The following SLC67A2 variants were observed in gnomAD, a reference collection of about 807,000 sequenced individuals.
SLC67A2 encodes the protein solute carrier family 67 member 2, also known as solute carrier family 67 member A2.
chr2:102,726,850 G>C, the SLC67A2 span: 1 of 1,562,526 alleles, frequency 6.4e-7, no homozygotes. Context: ...CTCACCTGCC[G>C]GGACTCTAGC....
chr2:102,721,536 C>A, the SLC67A2 span, among the ~76,000 whole-genome samples: 1 of 152,114 alleles, frequency 6.6e-6, no homozygotes, highest in East Asian at 1.9e-4. Context: ...AGGAAAACTG[C>A]CTAGCATGAA....
the SLC67A2 span, chr2:102,736,673 C>G: frequency 6.2e-7 from 1 of 1,613,848 alleles, no homozygotes; most frequent in African/African-American, 1.3e-5. Flanking sequence ...AGAGACAGAG[C>G]AGGAAGCGGC....
chr2:102,723,120 G>C, the SLC67A2 span, among the ~76,000 whole-genome samples: 1 of 152,346 alleles, frequency 6.6e-6, no homozygotes, highest in East Asian at 1.9e-4. Context: ...GCACATGTTA[G>C]GAGGGCTAAT....
At chr2:102,736,828 G>A in the SLC67A2 span, 12 of 1,589,300 alleles carry the variant, frequency 7.6e-6, no homozygotes, top group African/African-American at 8.1e-5. Flanking sequence ...CCGGCCGGGG[G>A]TCGGACGCAG....
the SLC67A2 span, chr2:102,736,475 G>C: frequency 1.4e-6 from 2 of 1,478,994 alleles, no homozygotes; most frequent in African/African-American, 1.4e-5. Flanking sequence ...GCCAGATGCA[G>C]ACTGAAGTGG....
the SLC67A2 span, chr2:102,718,822 TGGCCCCAG>T: frequency 3.1e-6 from 5 of 1,613,902 alleles, no homozygotes; most frequent in Non-Finnish European, 4.2e-6. Flanking sequence ...GCCGTAGGAT[TGGCCCCAG>T]GGCAAGGCCG....
the SLC67A2 span, chr2:102,726,774 C>A: frequency 3.3e-6 from 5 of 1,526,112 alleles, no homozygotes; most frequent in South Asian, 1.3e-5. Flanking sequence ...CAGGAGGAAG[C>A]GTGCAGTTTC....
the SLC67A2 span, chr2:102,732,287 C>T: frequency 1.3e-5 from 20 of 1,520,210 alleles, no homozygotes; most frequent in East Asian, 1.8e-4. Flanking sequence ...ATTTAAAATT[C>T]AGTGCTCTAA....
At chr2:102,723,672 A>G in the SLC67A2 span, 33 of 1,603,092 alleles carry the variant, frequency 2.1e-5, no homozygotes, top group African/African-American at 2.4e-4. Context: ...GAATACACAA[A>G]ACAATCTTCT....
chr2:102,724,455 C>T, the SLC67A2 span, among the ~76,000 whole-genome samples: 676 of 152,222 alleles, frequency 4.4e-3, 2 homozygotes, highest in African/African-American at 0.016. Flanking sequence ...CAGTAAGAGG[C>T]CTGTGAATTT....
chr2:102,734,316 A>T, the SLC67A2 span, among the ~76,000 whole-genome samples: 1 of 152,176 alleles, frequency 6.6e-6, no homozygotes, highest in Non-Finnish European at 1.5e-5. Context: ...TCTGGAGGAA[A>T]AAAGTGGTTG....
chr2:102,718,337 T>C, the SLC67A2 span: 4 of 1,527,836 alleles, frequency 2.6e-6, no homozygotes, highest in Non-Finnish European at 3.6e-6. Flanking sequence ...ACCCCAACCC[T>C]TTCCAAAGTG....
chr2:102,715,388 T>C, the SLC67A2 span, among the ~76,000 whole-genome samples: 33 of 152,274 alleles, frequency 2.2e-4, no homozygotes, highest in African/African-American at 6.0e-4. Flanking sequence ...GTCTAAGGCA[T>C]GTAGCCAGGA....
chr2:102,735,141 T>A, the SLC67A2 span, among the ~76,000 whole-genome samples: 1 of 152,078 alleles, frequency 6.6e-6, no homozygotes. Flanking sequence ...AGAAGAAGCA[T>A]CCCCATGCTG....
At chr2:102,715,514 T>C in the SLC67A2 span, among the ~76,000 whole-genome samples, 77 of 152,108 alleles carry the variant, frequency 5.1e-4, 5 homozygotes, top group Non-Finnish European at 1.9e-4. Flanking sequence ...CTCCTGTGAC[T>C]AGACACACCC....
At chr2:102,732,072 T>C in the SLC67A2 span, 1 of 614,748 alleles carries the variant, frequency 1.6e-6, no homozygotes, top group Non-Finnish European at 3.1e-6. Flanking sequence ...TAAGTACCTG[T>C]TGCCACTAGT....
At chr2:102,718,565 G>A in the SLC67A2 span, 2 of 1,613,196 alleles carry the variant, frequency 1.2e-6, no homozygotes, top group South Asian at 1.1e-5. Context: ...CGAGAGGAGA[G>A]GGGCGATGAT....
the SLC67A2 span, chr2:102,718,629 G>A: frequency 1.2e-6 from 2 of 1,613,810 alleles, no homozygotes; most frequent in Non-Finnish European, 1.7e-6. Flanking sequence ...CCGCTGGCCT[G>A]GGCCCCGCCC....
the SLC67A2 span, chr2:102,723,678 C>G: frequency 3.7e-6 from 6 of 1,609,316 alleles, no homozygotes; most frequent in Middle Eastern, 1.6e-4. Flanking sequence ...ACAAAACAAT[C>G]TTCTCATGAT....
Sources: gnomAD v4.1 joint callset for allele counts (sites outside exome capture counted in the v4.1 genomes callset) on GRCh38, gnomAD v4.1.1 for gene constraint, MANE v1.5 for transcripts, NCBI Gene and HGNC (gene_info 2026-07-23, HGNC 2026-07-21) for gene names.